CNTN4: variants seen among roughly 807,000 people sequenced by gnomAD.
The protein encoded by CNTN4 is contactin 4.
In CNTN4, 77 loss-of-function variants were observed where a neutral mutation model predicts 122.5. That is an observed-to-expected ratio of 0.63 (90% confidence interval 0.52 to 0.76). The LOEUF is 0.76. Among genes scored for constraint, CNTN4 ranks in the 30% least tolerant of loss-of-function variants. CNTN4 has a pLI of 0.00. For missense variants in CNTN4, 1,256 were observed against 1,259.1 expected (o/e 1.00, Z 0.04); for synonymous variants, 512 against 447.0 (o/e 1.15, Z -1.83).
At chr3:2,838,838 G>A (rs1286730483) in intron 7 of CNTN4, among the ~76,000 whole-genome samples, 3 of 152,120 alleles carry the variant, frequency 2.0e-5, no homozygotes, top group East Asian at 1.9e-4. Context: ...GGACTGTCCC[G>A]CCGTAAGCTG....
chr3:2,135,715 T>A (rs768244056), intron 2 of CNTN4, among the ~76,000 whole-genome samples: 4 of 152,122 alleles, frequency 2.6e-5, no homozygotes, highest in Non-Finnish European at 4.4e-5. Flanking sequence ...TAAAATACAC[T>A]CTCTCATTGT....
chr3:2,692,327 C>T lies in CNTN4; in HGVS notation c.56-43888C>T, dbSNP rs73005952. On this transcript the variant is annotated intron_variant, in intron 4 of 24. Coordinates refer to ENST00000418658, the MANE Select transcript of CNTN4 (RefSeq NM_175607.3). ...CCTACAGTGCCCGGTGCTTTACCTCCGCTACCTATGCCCTCCCTGCAGGCA... is the reference window on the plus strand; with the variant it reads ...CCTACAGTGCCCGGTGCTTTACCTCTGCTACCTATGCCCTCCCTGCAGGCA... 8.4e-3 allele frequency among the ~76,000 whole-genome samples: 1,278 copies of T among 152,204 alleles called. 7 individuals carry two copies. The highest frequency in any genetic ancestry group is 0.026 in the South Asian group (127 of 4,820).
At chr3:2,466,829 A>T (rs898265836) in intron 3 of CNTN4, among the ~76,000 whole-genome samples, 8 of 152,192 alleles carry the variant, frequency 5.3e-5, no homozygotes, top group South Asian at 4.1e-4. Context: ...TAATAACAGG[A>T]AGTGTTAACT....
At chr3:2,653,109 CTA>C (rs1302886933) in intron 4 of CNTN4, among the ~76,000 whole-genome samples, 2 of 151,952 alleles carry the variant, frequency 1.3e-5, no homozygotes, top group Non-Finnish European at 2.9e-5. Flanking sequence ...AATCAGTTCT[CTA>C]TCATTTTTAA....
chr3:2,900,958 GAGTGAATGCAATTGATAAATAGAAAGTGC>G, intron 11 of CNTN4, 137 bp downstream of exon 11: 1 of 1,124,040 alleles, frequency 8.9e-7, no homozygotes, highest in South Asian at 1.3e-5. Context: ...GAAAAAGTGA[GAGTGAATGCAATTGATAAATAGAAAGTGC>G]ACTTAAATCC....
intron 2 of CNTN4, among the ~76,000 whole-genome samples, chr3:2,265,699 C>G (rs1407787304): frequency 1.3e-5 from 2 of 151,842 alleles, no homozygotes; most frequent in African/African-American, 2.4e-5. Flanking sequence ...AATTCATGAA[C>G]ATGGGATATT....
chr3:2,757,041 A>C (rs192008389), intron 6 of CNTN4, among the ~76,000 whole-genome samples: 24 of 152,322 alleles, frequency 1.6e-4, no homozygotes, highest in African/African-American at 5.8e-4. Context: ...ATGAGATCAA[A>C]ATCAGGTGCT....
At chr3:2,785,001 T>TTA (rs201674483) in intron 6 of CNTN4, among the ~76,000 whole-genome samples, 5 of 152,098 alleles carry the variant, frequency 3.3e-5, no homozygotes, top group Admixed American at 2.6e-4. Context: ...AACTTGGCCT[T>TTA]CTTGGCCCTG....
chr3:2,727,891 C>T (rs1012107973), intron 4 of CNTN4, among the ~76,000 whole-genome samples: 2 of 152,112 alleles, frequency 1.3e-5, no homozygotes, highest in Non-Finnish European at 2.9e-5. Context: ...AGAAGGAAGG[C>T]GGAAGCAATG....
intron 3 of CNTN4, among the ~76,000 whole-genome samples, chr3:2,395,692 A>G (rs73804520): frequency 5.3e-5 from 8 of 152,052 alleles, no homozygotes; most frequent in Non-Finnish European, 1.5e-5. Context: ...AAGTGAGTAC[A>G]TGTGGTATTT....
At chr3:2,474,815 T>C (rs2075792174) in intron 3 of CNTN4, among the ~76,000 whole-genome samples, 1 of 152,198 alleles carries the variant, frequency 6.6e-6, no homozygotes, top group African/African-American at 2.4e-5. Context: ...AGGTAGTTTA[T>C]ATTTGTAGTT....
rs182267751 is a variant in CNTN4 at position 2,632,848 on chromosome 3, T to A, written c.55+61290T>A. ...GAAAAGCTGAGTAAATTCCCCAGGG[T>A]TGCCCTGCCAGTGAATGCCAAAATC... On this transcript the variant is annotated intron_variant, in intron 4 of 24. Transcript: ENST00000418658. 2.4e-3 allele frequency among the ~76,000 whole-genome samples: 372 copies of A among 152,176 alleles called. 1 individual carries two copies. The highest frequency in any genetic ancestry group is 8.5e-3 in the African/African-American group (352 of 41,546).
chr3:3,005,014 C>A (rs1239377365), intron 14 of CNTN4, among the ~76,000 whole-genome samples: 1 of 152,248 alleles, frequency 6.6e-6, no homozygotes, highest in Non-Finnish European at 1.5e-5. Flanking sequence ...TAGCGTCATT[C>A]TTCCCTTGTC....
intron 3 of CNTN4, among the ~76,000 whole-genome samples, chr3:2,405,784 A>C (rs1291785077): frequency 5.9e-5 from 9 of 152,194 alleles, no homozygotes; most frequent in Non-Finnish European, 1.3e-4. Context: ...GTACTTTGAG[A>C]GGCTGAGGTG....
chr3:2,779,575 A>T (rs1182682220), intron 6 of CNTN4, among the ~76,000 whole-genome samples: 3 of 152,230 alleles, frequency 2.0e-5, no homozygotes, highest in Non-Finnish European at 4.4e-5. Flanking sequence ...GAAACTTTGG[A>T]GTGAGACTAA....
chr3:2,851,189 G>T (rs1273844461), intron 7 of CNTN4, among the ~76,000 whole-genome samples: 1 of 152,216 alleles, frequency 6.6e-6, no homozygotes, highest in Non-Finnish European at 1.5e-5. Flanking sequence ...AGTTGCAAGT[G>T]TAAATTTTTA....
intron 2 of CNTN4, among the ~76,000 whole-genome samples, chr3:2,114,867 C>T (rs1357385596): frequency 6.6e-6 from 1 of 152,220 alleles, no homozygotes; most frequent in Non-Finnish European, 1.5e-5. Flanking sequence ...GAGTGAGGTG[C>T]ATTCCTTTGC....
chr3:2,216,730 A>G (rs2038857088), intron 2 of CNTN4, among the ~76,000 whole-genome samples: 1 of 152,190 alleles, frequency 6.6e-6, no homozygotes, highest in Admixed American at 6.5e-5. Context: ...ACCTAAAAAA[A>G]GGAGTTCCCT....
intron 7 of CNTN4, among the ~76,000 whole-genome samples, chr3:2,860,828 G>T (rs987793783): frequency 6.6e-6 from 1 of 152,118 alleles, no homozygotes; most frequent in African/African-American, 2.4e-5. Context: ...TATGACATGA[G>T]TGGTTTTGGT....
Sources: gnomAD v4.1 joint callset for allele counts (sites outside exome capture counted in the v4.1 genomes callset) on GRCh38, gnomAD v4.1.1 for gene constraint, MANE v1.5 for transcripts, NCBI Gene and HGNC (gene_info 2026-07-23, HGNC 2026-07-21) for gene names.